Variants in UPP2 observed in about 807,000 individuals in gnomAD.
UPP2 encodes the protein uridine phosphorylase 2.
Under a neutral mutation model 26.7 loss-of-function variants are expected in UPP2, and 23 were observed. The observed-to-expected ratio is 0.86, with a 90% confidence interval of 0.62 to 1.22. The LOEUF is 1.22. Ranked by LOEUF, UPP2 falls within the 50% of genes most tolerant of loss-of-function variation. The pLI is 0.00. For synonymous variants in UPP2, 127 were observed against 141.3 expected, an observed-to-expected ratio of 0.90 and a Z score of 0.72; for missense variants, 387 against 396.7, an observed-to-expected ratio of 0.98 and a Z score of 0.21.
chr2:158,050,132 T>C (rs950940846), intron 3 of UPP2, among the ~76,000 whole-genome samples: 1 of 152,244 alleles, frequency 6.6e-6, no homozygotes, highest in South Asian at 2.1e-4. Context: ...TAATTCCTGA[T>C]ACAGAAATTT....
intron 3 of UPP2, among the ~76,000 whole-genome samples, chr2:158,050,795 A>G (rs1682142816): frequency 6.6e-6 from 1 of 152,226 alleles, no homozygotes; most frequent in African/African-American, 2.4e-5. Flanking sequence ...AGATAATGTA[A>G]CTGAATATGA....
chr2:158,117,483 A>T (rs372643262), intron 3 of UPP2, among the ~76,000 whole-genome samples: 1 of 151,992 alleles, frequency 6.6e-6, no homozygotes, highest in East Asian at 1.9e-4. Context: ...GCTCTTTTTC[A>T]AAGGCTCATC....
chr2:158,077,523 C>A (rs1014088274), intron 3 of UPP2, among the ~76,000 whole-genome samples: 6 of 151,908 alleles, frequency 3.9e-5, no homozygotes, highest in African/African-American at 1.5e-4. Flanking sequence ...GACAAAGGTG[C>A]CAAGAACGTA....
At chr2:158,016,767 C>T (rs1348859088) in intron 3 of UPP2, among the ~76,000 whole-genome samples, 1 of 151,970 alleles carries the variant, frequency 6.6e-6, no homozygotes, top group Non-Finnish European at 1.5e-5. Flanking sequence ...GAGGATTTCT[C>T]AATAATTAAG....
intron 3 of UPP2, among the ~76,000 whole-genome samples, chr2:158,077,055 T>A (rs1023454385): frequency 6.6e-6 from 1 of 151,888 alleles, no homozygotes; most frequent in African/African-American, 2.4e-5. Flanking sequence ...AACAAAAAAG[T>A]AATCTTATTT....
intron 4 of UPP2, among the ~76,000 whole-genome samples, chr2:158,118,386 C>A (rs1255037664): frequency 6.6e-6 from 1 of 151,936 alleles, no homozygotes; most frequent in Non-Finnish European, 1.5e-5. Context: ...TCAGTTACTA[C>A]GTCACCTCTA....
At chr2:158,120,833 T>C (rs1390383332) in intron 4 of UPP2, among the ~76,000 whole-genome samples, 1 of 151,852 alleles carries the variant, frequency 6.6e-6, no homozygotes, top group East Asian at 1.9e-4. Flanking sequence ...GAGGAGGAGA[T>C]GGCATGGCAG....
intron 3 of UPP2, among the ~76,000 whole-genome samples, chr2:158,061,097 T>A (rs975907836): frequency 6.6e-6 from 1 of 152,230 alleles, no homozygotes; most frequent in Non-Finnish European, 1.5e-5. Flanking sequence ...TCCATTGACA[T>A]GTGATCAGGC....
intron 3 of UPP2, among the ~76,000 whole-genome samples, chr2:158,068,533 TCTGTTTGACTATGACA>T (rs1682473962): frequency 6.6e-6 from 1 of 151,772 alleles, no homozygotes; most frequent in African/African-American, 2.4e-5. Context: ...CCCCCGCTGT[TCTGTTTGACTATGACA>T]GAGACGGGGG....
intron 3 of UPP2, among the ~76,000 whole-genome samples, chr2:158,018,221 T>G (rs1025116006): frequency 6.6e-6 from 1 of 152,256 alleles, no homozygotes; most frequent in African/African-American, 2.4e-5. Context: ...CTCCGCTTCC[T>G]GTGATATCCC....
intron 3 of UPP2, among the ~76,000 whole-genome samples, chr2:158,115,807 A>G (rs572811706): frequency 8.5e-5 from 13 of 152,228 alleles, no homozygotes; most frequent in Non-Finnish European, 1.9e-4. Flanking sequence ...GATGCAGACC[A>G]TTTCCCCCTT....
rs1683525725 is a variant in UPP2, at chr2:158,008,336, GA to G, written c.62-7463del. Among the ~76,000 whole-genome samples the G allele has an allele frequency of 2.0e-5, 3 of 152,282 alleles. No homozygotes were observed. The South Asian group carries it at 6.2e-4, about 32-fold the overall frequency. ...GTGTGAGATCAATAATTACCTTTTG[GA>G]ATGCTGAATTATTTACTGTATTTGA... On this transcript the variant is annotated intron_variant, in intron 2 of 9. Coordinates refer to the UPP2 transcript ENST00000605860.
intron 6 of UPP2, among the ~76,000 whole-genome samples, chr2:158,134,386 G>T (rs1683888137): frequency 6.6e-6 from 1 of 152,172 alleles, no homozygotes; most frequent in South Asian, 2.1e-4. Context: ...TCCCGTAAAA[G>T]ACCCTCCTCT....
intron 3 of UPP2, among the ~76,000 whole-genome samples, chr2:158,068,338 C>T (rs893551213): frequency 2.6e-5 from 4 of 152,124 alleles, no homozygotes; most frequent in Admixed American, 2.0e-4. Flanking sequence ...GGCTAGTTAA[C>T]CCGAGGAGAA....
chr2:158,009,072 G>T (rs1422844969), intron 2 of UPP2, among the ~76,000 whole-genome samples: 1 of 152,048 alleles, frequency 6.6e-6, no homozygotes, highest in Non-Finnish European at 1.5e-5. Context: ...CTTTGATATT[G>T]CAAATTTTAA....
intron 3 of UPP2, among the ~76,000 whole-genome samples, chr2:158,089,400 C>T (rs531925717): frequency 1.3e-5 from 2 of 152,290 alleles, no homozygotes; most frequent in South Asian, 4.1e-4. Flanking sequence ...CCCAGGCTAC[C>T]AGCCTCCTGG....
intron 3 of UPP2, among the ~76,000 whole-genome samples, chr2:158,029,418 C>A (rs1683889674): frequency 6.6e-6 from 1 of 152,134 alleles, no homozygotes; most frequent in South Asian, 2.1e-4. Context: ...CTTTAATTTC[C>A]AAGCACCATG....
intron 3 of UPP2, among the ~76,000 whole-genome samples, chr2:158,076,995 C>T (rs910134364): frequency 6.6e-5 from 10 of 152,058 alleles, no homozygotes; most frequent in South Asian, 2.1e-4. Context: ...AATCAACATA[C>T]GAAAATCAGT....
chr2:158,024,710 A>T (rs1683808086), intron 3 of UPP2, among the ~76,000 whole-genome samples: 2 of 152,178 alleles, frequency 1.3e-5, no homozygotes, highest in Admixed American at 6.5e-5. Context: ...TCCACATCAG[A>T]CCCCAGAAAA....
Sources: allele counts gnomAD v4.1 joint callset (sites outside exome capture counted in the v4.1 genomes callset), GRCh38; gene constraint gnomAD v4.1.1; transcripts MANE v1.5; gene names NCBI Gene and HGNC (gene_info 2026-07-23, HGNC 2026-07-21).